DNAH8: variants seen among roughly 807,000 people sequenced by gnomAD.
The protein encoded by DNAH8 is dynein axonemal heavy chain 8.
DNAH8 carries 382 observed loss-of-function variants against 562.1 expected under a neutral mutation model. The observed-to-expected ratio is 0.68, with a 90% CI of 0.63 to 0.74. The LOEUF (loss-of-function observed/expected upper bound fraction) is 0.74. DNAH8 is among the 30% of genes least tolerant of loss of function. The pLI, the probability that DNAH8 is intolerant of heterozygous loss-of-function variation, is 0.00. For synonymous variants in DNAH8, 1,881 were observed against 1,919.4 expected (o/e 0.98, Z 0.52); for missense variants, 5,203 against 5,620.4 (o/e 0.93, Z 2.37).
At chr6:38,871,365 A>G (rs1583231763) in intron 49 of DNAH8, among the ~76,000 whole-genome samples, 1 of 152,334 alleles carries the variant, frequency 6.6e-6, no homozygotes, top group East Asian at 1.9e-4. Context: ...CCATTTTAAG[A>G]GTTTAAAAAA....
intron 84 of DNAH8, 123 bp from the exon 85 acceptor site, chr6:38,974,251 A>C: frequency 1.3e-6 from 1 of 780,180 alleles, no homozygotes; most frequent in East Asian, 2.8e-5. Flanking sequence ...CAAAATCTGA[A>C]ATTCAAAACA....
chr6:38,760,135 C>T (rs1266070901), intron 10 of DNAH8, among the ~76,000 whole-genome samples: 3 of 152,100 alleles, frequency 2.0e-5, no homozygotes, highest in Non-Finnish European at 2.9e-5. Context: ...ACATCTTTTT[C>T]CTTCTTGGAT....
At chr6:38,862,139 C>A (rs1049697091) in intron 43 of DNAH8, 141 bp from the exon 44 acceptor site, 2 of 666,326 alleles carry the variant, frequency 3.0e-6, no homozygotes, top group African/African-American at 3.6e-5. Context: ...GTACCCTAAC[C>A]TTGTTTGTTC....
chr6:38,931,173 A>G (rs988070456), intron 75 of DNAH8: 1 of 152,166 alleles, frequency 6.6e-6, no homozygotes, highest in Non-Finnish European at 1.5e-5. Flanking sequence ...TCACGGGCAG[A>G]ATTAAGATTA....
chr6:38,917,375 G>A lies in DNAH8; in HGVS notation c.10277G>A (p.Cys3426Tyr). The change falls in exon 69 of 93, where the codon TGC becomes TAC. Residue 3426 changes from cysteine (C) to tyrosine (Y), a missense_variant. Cys to Tyr is a radical substitution (Grantham distance 194). This residue lies in a region of DNAH8 where 87 missense variants were observed against 144.9 expected (regional missense o/e 0.60). Transcript: ENST00000327475. ...DPVTMDPEKSCCKPSWGESLK... is the reference protein window; with the variant it reads ...DPVTMDPEKSYCKPSWGESLK... ...GTTACTATGGATCCAGAAAAATCTT[G>A]CTGTAAGCCATCATGGGGAGAGTCA... 6.2e-7 allele frequency: 1 copy of A among 1,613,512 alleles called. No homozygotes were observed. The highest frequency in any genetic ancestry group is 8.5e-7 in the Non-Finnish European group (1 of 1,179,630).
At chr6:38,996,491 TCTC>T (rs1186629654) in intron 88 of DNAH8, among the ~76,000 whole-genome samples, 1 of 152,066 alleles carries the variant, frequency 6.6e-6, no homozygotes, top group African/African-American at 2.4e-5. Flanking sequence ...TCCATCTACT[TCTC>T]CTCCATCTAA....
chr6:39,015,073 G>C (rs1044664503), intron 91 of DNAH8, among the ~76,000 whole-genome samples: 1 of 152,114 alleles, frequency 6.6e-6, no homozygotes, highest in Admixed American at 6.5e-5. Flanking sequence ...GGGACAGGTA[G>C]GGCAGAGAGA....
intron 26 of DNAH8, among the ~76,000 whole-genome samples, chr6:38,818,843 A>G (rs534161750): frequency 2.6e-5 from 4 of 152,324 alleles, no homozygotes; most frequent in South Asian, 4.1e-4. Context: ...CTCTACACTC[A>G]TTGCTCTGGG....
At chr6:38,850,202 T>A (rs780250832) in intron 37 of DNAH8, 49 bp from the exon 38 acceptor site, 88 of 1,574,212 alleles carry the variant, frequency 5.6e-5, no homozygotes, top group Non-Finnish European at 7.1e-5. Context: ...CTTTGCTTTT[T>A]TTCAATTATC....
rs147309445 is a variant in DNAH8, at chr6:38,956,522, G to A, written c.12451+5002G>A. ...CCCACGTCAAGTCCTGAAGGGCTCC[G>A]GTCTCAGCCTTGGCTCCTCCTGCTG... On this transcript the variant is annotated intron_variant, in intron 82 of 92. Transcript: ENST00000327475. Among the ~76,000 whole-genome samples the A allele has an allele frequency of 1.6e-4, 25 of 152,126 alleles. No homozygotes were observed. The East Asian group carries it at 4.3e-3, about 26-fold the overall frequency.
At position 39,001,148 on chromosome 6, in the gene DNAH8, G is replaced by T. The variant is rs111738538; in HGVS notation, c.13215-7666G>T. Among the ~76,000 whole-genome samples, 304 of 152,212 alleles carry T rather than the reference G, an allele frequency of 2.0e-3. 1 individual carries two copies. The highest frequency in any genetic ancestry group is 6.9e-3 in the African/African-American group (286 of 41,526). ...GCAGAGTGTGGCTTTTGAAGGTTTTGCCAAAAGAGTTTGGGGCAATATTTT... is the reference window on the plus strand; with the variant it reads ...GCAGAGTGTGGCTTTTGAAGGTTTTTCCAAAAGAGTTTGGGGCAATATTTT... On this transcript the variant is annotated intron_variant, in intron 88 of 92. Transcript: ENST00000327475.
At chr6:38,860,432 T>C (rs755528203) in intron 42 of DNAH8, 25 bp from the exon 43 acceptor site, 8 of 1,325,278 alleles carry the variant, frequency 6.0e-6, no homozygotes, top group Non-Finnish European at 7.9e-6. Flanking sequence ...CAGTATATAA[T>C]TTTTTTGTAT....
At position 38,715,397 on chromosome 6, in the gene DNAH8, G is replaced by C. The variant is rs951752752; in HGVS notation, c.-53G>C. On this transcript the variant is annotated 5_prime_UTR_variant, in exon 1 of 93. Transcript: ENST00000327475. ...CAGTGGGCTGAGTGGTCGGGGCATC[G>C]GGGCCCAGAGAGCGGCTGGTGAGTA... 3 of 152,360 alleles carry C rather than the reference G, an allele frequency of 2.0e-5. No individual in the cohort carries two copies. Among genetic ancestry groups the C allele is most frequent in the Non-Finnish European group, 4.4e-5 (3 of 68,142 alleles). The allele number at this position is 152,360 out of a possible 1,614,324, so 9.4% of individuals were successfully genotyped here.
chr6:38,936,785 CA>C (rs544184100), intron 77 of DNAH8, among the ~76,000 whole-genome samples: 41 of 152,180 alleles, frequency 2.7e-4, no homozygotes, highest in African/African-American at 9.1e-4. Flanking sequence ...AGGTTAATCC[CA>C]ATTTGGACTT....
In DNAH8 at chr6:38,908,022, A is replaced by C; in HGVS notation, c.9415A>C (p.Arg3139=). The C allele has an allele frequency of 1.2e-6, 2 of 1,612,974 alleles. No homozygotes were observed. Among genetic ancestry groups the C allele is most frequent in the Non-Finnish European group, 1.7e-6 (2 of 1,179,598 alleles). The change falls in exon 64 of 93, where the codon AGG becomes CGG. Residue 3139 remains arginine, a synonymous_variant. Coordinates refer to ENST00000327475, the MANE Select transcript of DNAH8 (RefSeq NM_001206927.2). Reference sequence around the variant, plus strand: ...CCAAGGTCTGATTTCAGTGATGAAGAGGGAGCTACCTCGCCATCCTCCTAC... The same window carrying C: ...CCAAGGTCTGATTTCAGTGATGAAGCGGGAGCTACCTCGCCATCCTCCTAC... ...ITQGLISVMK[R]ELPRHPPTFD... is the part of the protein sequence containing the mutation.
At chr6:38,818,814 T>C (rs1772552845) in intron 26 of DNAH8, among the ~76,000 whole-genome samples, 1 of 152,220 alleles carries the variant, frequency 6.6e-6, no homozygotes, top group Admixed American at 6.5e-5. Context: ...ATTCTCACCA[T>C]GTGCTGATGA....
chr6:38,816,181 T>A (rs1009446724), intron 26 of DNAH8, among the ~76,000 whole-genome samples: 1 of 152,082 alleles, frequency 6.6e-6, no homozygotes, highest in Non-Finnish European at 1.5e-5. Context: ...ACCCATCACA[T>A]AGGTGTTAAG....
chr6:39,027,604 G>A (rs950558197), intron 92 of DNAH8, among the ~76,000 whole-genome samples: 4 of 152,226 alleles, frequency 2.6e-5, no homozygotes, highest in Non-Finnish European at 4.4e-5. Flanking sequence ...AAGGCGGGAG[G>A]ATCACTTGAG....
chr6:38,956,921 G>GTTAGTCC (rs1336602097), intron 82 of DNAH8, among the ~76,000 whole-genome samples: 1 of 152,194 alleles, frequency 6.6e-6, no homozygotes, highest in East Asian at 1.9e-4. Flanking sequence ...AATGGCAGTA[G>GTTAGTCC]TTAGTCCTTA....
Sources: allele counts gnomAD v4.1 joint callset (sites outside exome capture counted in the v4.1 genomes callset), GRCh38; gene constraint gnomAD v4.1.1; regional missense constraint gnomAD v4.1.1; transcripts MANE v1.5; gene names NCBI Gene and HGNC (gene_info 2026-07-23, HGNC 2026-07-21).